FRY: variants seen among roughly 807,000 people sequenced by gnomAD.
FRY encodes FRY microtubule binding protein.
A neutral mutation model predicts 348.4 loss-of-function variants in FRY; 128 were observed. That is an observed-to-expected ratio of 0.37 (90% CI 0.32 to 0.43). FRY has a LOEUF of 0.43. Among genes scored for constraint, FRY ranks in the 20% least tolerant of loss-of-function variants. FRY has a pLI of 1.00. For missense variants in FRY, 2,736 were observed against 3,695.2 expected, an observed-to-expected ratio of 0.74 and a Z score of 6.73; for synonymous variants, 1,370 against 1,374.7, an observed-to-expected ratio of 1.00 and a Z score of 0.08.
intron 44 of FRY, among the ~76,000 whole-genome samples, chr13:32,238,627 T>G (rs1042106020): frequency 6.6e-6 from 1 of 152,110 alleles, no homozygotes; most frequent in Non-Finnish European, 1.5e-5. Flanking sequence ...AAGTTTTGTA[T>G]TTTTAGTAGA....
chr13:32,071,190 T>C (rs1874633424), intron 1 of FRY, among the ~76,000 whole-genome samples: 3 of 152,232 alleles, frequency 2.0e-5, no homozygotes, highest in African/African-American at 7.2e-5. Context: ...GTCTCGGCTA[T>C]GCAGACTCTT....
intron 53 of FRY, among the ~76,000 whole-genome samples, chr13:32,264,060 G>A (rs971693780): frequency 6.6e-6 from 1 of 152,080 alleles, no homozygotes; most frequent in Non-Finnish European, 1.5e-5. Flanking sequence ...AGGAAAAGTC[G>A]AGTCCCATTT....
intron 44 of FRY, among the ~76,000 whole-genome samples, chr13:32,238,575 C>T (rs111245823): frequency 0.17 from 25,727 of 152,062 alleles, 2,795 homozygotes; most frequent in Non-Finnish European, 0.24. Flanking sequence ...CCTCAGCCTC[C>T]GGAGTAGCTG....
chr13:32,063,077 T>TC (rs1370499589), intron 1 of FRY, among the ~76,000 whole-genome samples: 1 of 152,184 alleles, frequency 6.6e-6, no homozygotes, highest in Non-Finnish European at 1.5e-5. Context: ...GATTAGACTG[T>TC]CCTTCAAGTC....
At chr13:32,183,776 C>CAAA (rs10706504) in intron 24 of FRY, among the ~76,000 whole-genome samples, 5 of 78,082 alleles carry the variant, frequency 6.4e-5, no homozygotes, top group African/African-American at 2.1e-4. Flanking sequence ...ACTCTGTCTC[C>CAAA]AAAAAAAAAA....
At chr13:32,220,586 G>A (rs999765814) in intron 36 of FRY, among the ~76,000 whole-genome samples, 2 of 152,182 alleles carry the variant, frequency 1.3e-5, no homozygotes, top group Non-Finnish European at 2.9e-5. Flanking sequence ...TGGAGAGTTG[G>A]TTCAAGAAAA....
At chr13:32,257,878 A>G in intron 51 of FRY, 2 of 1,144,920 alleles carry the variant, frequency 1.7e-6, no homozygotes, top group Non-Finnish European at 2.7e-6. Context: ...TGTTAACACT[A>G]AGAGAAATGT....
chr13:32,160,796 G>GAATGAAATACATTTTTAAATGCTT (rs1311675080), intron 16 of FRY, among the ~76,000 whole-genome samples: 4 of 152,196 alleles, frequency 2.6e-5, no homozygotes, highest in Non-Finnish European at 5.9e-5. Context: ...TTTAAATGCT[G>GAATGAAATACATTTTTAAATGCTT]AATGAAATAC....
At chr13:32,203,857 C>G (rs1289601208) in intron 31 of FRY, among the ~76,000 whole-genome samples, 1 of 152,228 alleles carries the variant, frequency 6.6e-6, no homozygotes, top group Non-Finnish European at 1.5e-5. Context: ...TTGTCCAGAT[C>G]TTCCTCAGTC....
chr13:32,288,859 A>G (rs1039656450), intron 58 of FRY, among the ~76,000 whole-genome samples: 1 of 152,208 alleles, frequency 6.6e-6, no homozygotes, highest in Non-Finnish European at 1.5e-5. Context: ...GGCAAAGTGT[A>G]GAGGGTACAG....
intron 28 of FRY, among the ~76,000 whole-genome samples, chr13:32,189,981 C>T (rs1365664356): frequency 1.3e-5 from 2 of 151,712 alleles, no homozygotes; most frequent in East Asian, 3.9e-4. Flanking sequence ...TATTGAAGAA[C>T]TGTAAGGTTG....
In FRY at chr13:32,155,559, T is replaced by C. The variant is rs1168201550; in HGVS notation, c.1548T>C (p.Pro516=). 3 of 1,612,704 alleles carry C rather than the reference T, an allele frequency of 1.9e-6. No individual in the cohort carries two copies. Among genetic ancestry groups the C allele is most frequent in the African/African-American group, 1.3e-5 (1 of 74,884 alleles). The change falls in exon 15 of 61, where the codon CCT becomes CCC. Residue 516 remains proline (P), a synonymous_variant. Transcript: ENST00000542859. The part of the protein sequence containing the change: ...ADSLQQKDGE[P]PMPVTGAVLP... ...GCTTGCAGCAGAAAGATGGGGAACC[T>C]CCCATGCCGGTTACAGGAGCCGTTC... is the stretch of plus-strand genomic sequence containing the variant.
chr13:32,285,443 T>G (rs564641237), intron 58 of FRY, among the ~76,000 whole-genome samples: 37 of 152,324 alleles, frequency 2.4e-4, no homozygotes, highest in African/African-American at 8.2e-4. Context: ...GAACTGGCAT[T>G]CATCACAGTT....
At chr13:32,216,936 G>A (rs1204233180) in intron 35 of FRY, among the ~76,000 whole-genome samples, 1 of 152,212 alleles carries the variant, frequency 6.6e-6, no homozygotes, top group East Asian at 1.9e-4. Context: ...TCTAAAAAGT[G>A]AATGAAACCA....
intron 46 of FRY, among the ~76,000 whole-genome samples, chr13:32,243,014 A>C (rs1886598760): frequency 6.6e-6 from 1 of 152,244 alleles, no homozygotes; most frequent in African/African-American, 2.4e-5. Context: ...TTATAAAAGC[A>C]GTATATATTC....
intron 1 of FRY, among the ~76,000 whole-genome samples, chr13:32,058,023 A>G (rs1873737935): frequency 6.6e-6 from 1 of 152,238 alleles, no homozygotes; most frequent in Admixed American, 6.5e-5. Flanking sequence ...CAGAAAGGAA[A>G]CTTTTATGAA....
chr13:32,165,579 A>G lies in FRY; in HGVS notation c.1892+4328A>G, dbSNP rs149291623. ...TCCTTGTCTGCTGGGCTTCACTTTC[A>G]GTGTTTCTTCCTCCACGGCCCTTGT... On this transcript the variant is annotated intron_variant, in intron 17 of 60. Transcript: ENST00000542859. 2.6e-3 allele frequency among the ~76,000 whole-genome samples: 403 copies of G among 152,260 alleles called. No homozygotes were observed. In the Middle Eastern group the frequency reaches 0.031, roughly 12 times the overall value.
intron 3 of FRY, among the ~76,000 whole-genome samples, chr13:32,109,207 A>G (rs1193501896): frequency 6.6e-6 from 1 of 152,226 alleles, no homozygotes; most frequent in African/African-American, 2.4e-5. Context: ...TGTAGTTTTA[A>G]GCATGATTTG....
intron 41 of FRY, among the ~76,000 whole-genome samples, chr13:32,233,647 C>T (rs1886041427): frequency 6.6e-6 from 1 of 152,222 alleles, no homozygotes; most frequent in Non-Finnish European, 1.5e-5. Context: ...AACAGCTTTC[C>T]TCTCTTCTGA....
Sources: allele counts gnomAD v4.1 joint callset (sites outside exome capture counted in the v4.1 genomes callset), GRCh38; gene constraint gnomAD v4.1.1; transcripts MANE v1.5; gene names NCBI Gene and HGNC (gene_info 2026-07-23, HGNC 2026-07-21).